The following SH2B3 variants were observed in gnomAD, a reference collection of about 807,000 sequenced individuals.
SH2B3 encodes SH2B adapter protein 3.
SH2B3 carries 43 observed loss-of-function variants against 51.9 expected under a neutral mutation model. The observed-to-expected ratio is 0.83, with a 90% CI of 0.65 to 1.07. The LOEUF (loss-of-function observed/expected upper bound fraction) is 1.07. Ranked by LOEUF, SH2B3 falls within the 50% of genes least tolerant of loss-of-function variation. The pLI is 0.00. For synonymous variants in SH2B3, 396 were observed against 376.0 expected (o/e 1.05, Z -0.62); for missense variants, 952 against 834.3 (o/e 1.14, Z -1.74).
chr12:111,435,122 CAG>C lies in SH2B3; in HGVS notation c.733-11628_733-11627del. 1 of 1,033,224 alleles carries C rather than the reference CAG, an allele frequency of 9.7e-7. No homozygotes were observed. Among genetic ancestry groups the C allele is most frequent in the Non-Finnish European group, 1.4e-6 (1 of 717,112 alleles). 64.0% of individuals were successfully genotyped at this position (1,033,224 alleles called of 1,614,324 possible). A position where few individuals can be genotyped will look rare whatever the true frequency, so the allele number is the denominator to read the frequency against. On this transcript the variant is annotated intron_variant, in intron 2 of 7. Coordinates refer to ENST00000341259, the MANE Select transcript of SH2B3 (RefSeq NM_005475.3). This position sits in a 1 kb window ranked among gnomAD's most constrained non-coding sequence, Gnocchi z 4.8. The stretch of plus-strand genomic sequence containing the variant: ...CACTCTCCCCACCCGAGACGGGCGA[CAG>C]AGGTTTTTTGTTGTTTCTTAACCAC...
chr12:111,446,703 A>G, intron 2 of SH2B3, 50 bp from the exon 3 acceptor site: 1 of 1,056,072 alleles, frequency 9.5e-7, no homozygotes, highest in Non-Finnish European at 1.4e-6. Flanking sequence ...GCCTGGCTGG[A>G]AGAAAGAGCA....
intron 2 of SH2B3, among the ~76,000 whole-genome samples, chr12:111,437,907 C>G (rs536398650): frequency 2.6e-5 from 4 of 152,226 alleles, no homozygotes; most frequent in Admixed American, 2.6e-4. Flanking sequence ...TGGGCCTGCC[C>G]CAGGGCTGGG....
rs1327664554 is a variant in SH2B3, at chr12:111,429,675, G to A, written c.732+10798G>A. 1.3e-5 allele frequency among the ~76,000 whole-genome samples: 2 copies of A among 152,142 alleles called. No homozygotes were observed. The highest frequency in any genetic ancestry group is 4.8e-5 in the African/African-American group (2 of 41,434). On this transcript the variant is annotated intron_variant, in intron 2 of 7. Coordinates refer to ENST00000341259, the MANE Select transcript of SH2B3 (RefSeq NM_005475.3). This position sits in a 1 kb window ranked among gnomAD's most constrained non-coding sequence, Gnocchi z 4.4. ...TTTTCATGTGACAGGCACTGTGTCC[G>A]CCACATCCCATGGAATCCTTATCAC...
In SH2B3 at chr12:111,447,105, CTCAGCCTCTTCTCCAGCAGGCTG is replaced by C; in HGVS notation, c.927-19_930del. 6.2e-7 allele frequency: 1 copy of C among 1,612,132 alleles called. No homozygotes were observed. The highest frequency in any genetic ancestry group is 8.5e-7 in the Non-Finnish European group (1 of 1,178,166). ...CCCCTGACCTGCCCAGATCCTTAAC[CTCAGCCTCTTCTCCAGCAGGCTG>C]GAGAGCACAGAAGCAGAGATGCATA... On this transcript the variant is annotated splice_acceptor_variant and splice_polypyrimidine_tract_variant and coding_sequence_variant and intron_variant, in exon 5 of 8. Transcript: ENST00000341259. LOFTEE classifies it high-confidence loss of function.
At chr12:111,415,312 G>A (rs144713990) in intron 1 of SH2B3, among the ~76,000 whole-genome samples, 6 of 152,280 alleles carry the variant, frequency 3.9e-5, no homozygotes, top group East Asian at 1.9e-4. Flanking sequence ...TCCAGCAGGG[G>A]CCCAGGCCCA....
chr12:111,444,911 T>C, intron 2 of SH2B3: 2 of 984,018 alleles, frequency 2.0e-6, no homozygotes, highest in Non-Finnish European at 2.4e-6. Flanking sequence ...GTTGAGATTG[T>C]GGCTCTAGGC....
chr12:111,419,527 A>G (rs1204429070), intron 2 of SH2B3, among the ~76,000 whole-genome samples: 1 of 152,066 alleles, frequency 6.6e-6, no homozygotes, highest in African/African-American at 2.4e-5. Flanking sequence ...AATCCCGGCT[A>G]CTTGGGAGGC....
chr12:111,436,863 TC>T (rs1006414985), intron 2 of SH2B3, among the ~76,000 whole-genome samples: 3 of 152,118 alleles, frequency 2.0e-5, no homozygotes, highest in Non-Finnish European at 4.4e-5. Context: ...GGTCCCCAAG[TC>T]CTGTCTGTCC....
rs1487707211 is a variant in SH2B3 at position 111,409,759 on chromosome 12, A to C, written c.-28+3482A>C. ...CCAGGCCACCACTGGACATCTGCTC[A>C]ATGGGGCCCTGCTGCCGGGGTGACA... On this transcript the variant is annotated intron_variant, in intron 1 of 7. Transcript: ENST00000341259. The surrounding 1 kb of genome is among the most constrained non-coding windows in gnomAD (Gnocchi z 4.0). Among the ~76,000 whole-genome samples, 1 of 152,150 alleles carries C rather than the reference A, an allele frequency of 6.6e-6. No homozygotes were observed. The highest frequency in any genetic ancestry group is 1.5e-5 in the Non-Finnish European group (1 of 68,014).
intron 1 of SH2B3, among the ~76,000 whole-genome samples, chr12:111,412,450 C>T (rs1870777651): frequency 6.6e-6 from 1 of 152,228 alleles, no homozygotes; most frequent in Non-Finnish European, 1.5e-5. Context: ...AGGCAGGCCC[C>T]CCTGTGGCTT....
rs1248948557 is a variant in SH2B3, at chr12:111,429,025, G to A, written c.732+10148G>A. On this transcript the variant is annotated intron_variant, in intron 2 of 7. Transcript: ENST00000341259. The surrounding 1 kb of genome is among the most constrained non-coding windows in gnomAD (Gnocchi z 4.4). ...CTCGGGGCAGGAGTGCGAGGAGGAG[G>A]AGGAGGAGGAGGAGGAGGAGGAAGA... is the stretch of plus-strand genomic sequence containing the variant. 6.7e-6 allele frequency among the ~76,000 whole-genome samples: 1 copy of A among 149,402 alleles called. No individual in the cohort carries two copies. The highest frequency in any genetic ancestry group is 1.5e-5 in the Non-Finnish European group (1 of 66,436).
rs751155332 is a variant in SH2B3, at chr12:111,418,364, C to A, written c.219C>A (p.Arg73=). The change falls in exon 2 of 8, where the codon CGC becomes CGA. Residue 73 remains arginine, a synonymous_variant. Coordinates refer to ENST00000341259, the MANE Select transcript of SH2B3 (RefSeq NM_005475.3). The surrounding 1 kb of genome is among the most constrained non-coding windows in gnomAD (Gnocchi z 6.7). ...VSLQFTDLFQ[R]YFCREVRDGR... is the part of the protein sequence containing the mutation. ...TGCAGTTCACCGACCTCTTCCAGCGCTACTTCTGCCGCGAGGTGCGCGACG... is the reference window on the plus strand; with the variant it reads ...TGCAGTTCACCGACCTCTTCCAGCGATACTTCTGCCGCGAGGTGCGCGACG... The A allele has an allele frequency of 6.6e-7, 1 of 1,520,108 alleles. No homozygotes were observed. Among genetic ancestry groups the A allele is most frequent in the Non-Finnish European group, 8.8e-7 (1 of 1,139,702 alleles). 94.2% of individuals were successfully genotyped at this position (1,520,108 alleles called of 1,614,324 possible).
At position 111,435,260 on chromosome 12, in the gene SH2B3, G is replaced by A. The variant is rs111924395; in HGVS notation, c.733-11493G>A. ...GCCGTCGGTGCCCCATTCAAGCCTGGGGACCTGGCCCCACTGGTGTGTGCT... is the reference window on the plus strand; with the variant it reads ...GCCGTCGGTGCCCCATTCAAGCCTGAGGACCTGGCCCCACTGGTGTGTGCT... On this transcript the variant is annotated intron_variant, in intron 2 of 7. Transcript: ENST00000341259. The surrounding 1 kb of genome is among the most constrained non-coding windows in gnomAD (Gnocchi z 4.8). Among the ~76,000 whole-genome samples, 46 of 152,362 alleles carry A rather than the reference G, an allele frequency of 3.0e-4. 3 individuals are homozygous for A. Among genetic ancestry groups the A allele is most frequent in the African/African-American group, 1.0e-3 (43 of 41,594 alleles).
intron 1 of SH2B3, among the ~76,000 whole-genome samples, chr12:111,413,604 C>G (rs1049356163): frequency 2.0e-5 from 3 of 152,324 alleles, no homozygotes; most frequent in Middle Eastern, 3.4e-3. Flanking sequence ...CTCTGACATA[C>G]AGGACTGTGC....
intron 2 of SH2B3, 32 bp from the exon 3 acceptor site, chr12:111,446,721 C>G: frequency 7.8e-7 from 1 of 1,279,470 alleles, no homozygotes. Flanking sequence ...GCATCAGGAA[C>G]AAGCCTTGAG....
rs1007509635 is a variant in SH2B3 at position 111,428,952 on chromosome 12, G to C, written c.732+10075G>C. On this transcript the variant is annotated intron_variant, in intron 2 of 7. Transcript: ENST00000341259. ...CCCCCATGCCTCCGGGTGTGGGAAA[G>C]GGGAAGCAGAAAGAAAGGGACGTCC... is the stretch of plus-strand genomic sequence containing the variant. Among the ~76,000 whole-genome samples the C allele has an allele frequency of 4.0e-5, 6 of 151,880 alleles. No individual in the cohort carries two copies. The South Asian group carries it at 6.3e-4, about 16-fold the overall frequency.
intron 2 of SH2B3, among the ~76,000 whole-genome samples, chr12:111,434,402 T>G (rs1431458553): frequency 1.3e-5 from 2 of 152,236 alleles, no homozygotes; most frequent in Non-Finnish European, 2.9e-5. Context: ...TCATACACAT[T>G]TCTTGTGATT....
At chr12:111,416,597 A>T (rs537041111) in intron 1 of SH2B3, among the ~76,000 whole-genome samples, 1 of 151,320 alleles carries the variant, frequency 6.6e-6, no homozygotes, top group East Asian at 2.0e-4. Flanking sequence ...GGATTCAAGC[A>T]TTTCTCCTGC....
rs1161746302 is a variant in SH2B3, at chr12:111,449,331, A to T, written c.*1029A>T. ...AAGGCTGGCTTGGTGCCCTCCAAGCATCTAATGGCTTATTAAATTATCCCA... is the reference window on the plus strand; with the variant it reads ...AAGGCTGGCTTGGTGCCCTCCAAGCTTCTAATGGCTTATTAAATTATCCCA... On this transcript the variant is annotated 3_prime_UTR_variant, in exon 8 of 8. Coordinates refer to ENST00000341259, the MANE Select transcript of SH2B3 (RefSeq NM_005475.3). 1 of 152,252 alleles carries T rather than the reference A, an allele frequency of 6.6e-6. No individual in the cohort carries two copies. Among genetic ancestry groups the T allele is most frequent in the Non-Finnish European group, 1.5e-5 (1 of 68,052 alleles). The allele number at this position is 152,252 out of a possible 1,614,324, so 9.4% of individuals were successfully genotyped here.
Sources: allele counts gnomAD v4.1 joint callset (sites outside exome capture counted in the v4.1 genomes callset), GRCh38; gene constraint gnomAD v4.1.1; non-coding constraint Gnocchi (gnomAD v3.1); transcripts MANE v1.5; gene names NCBI Gene and HGNC (gene_info 2026-07-23, HGNC 2026-07-21).